Variants in PCDHA10 observed in about 807,000 individuals in gnomAD.
PCDHA10 encodes protocadherin alpha 10.
Under a neutral mutation model 61.2 loss-of-function variants are expected in PCDHA10, and 45 were observed. The ratio of observed to expected loss-of-function variants is 0.74; its 90% CI spans 0.58 to 0.94. The LOEUF (loss-of-function observed/expected upper bound fraction) is 0.94, where lower values mean the gene tolerates loss of function less well. PCDHA10 is among the 40% of genes least tolerant of loss of function. The pLI, the probability that PCDHA10 is intolerant of heterozygous loss-of-function variation, is 0.00. For synonymous variants in PCDHA10, 602 were observed against 548.8 expected (o/e 1.10, Z -1.35); for missense variants, 1,278 against 1,236.2 (o/e 1.03, Z -0.51).
At chr5:140,971,728 C>A (rs1221096186) in intron 1 of PCDHA10, among the ~76,000 whole-genome samples, 2 of 151,550 alleles carry the variant, frequency 1.3e-5, no homozygotes, top group African/African-American at 2.4e-5. Flanking sequence ...GTATATCATA[C>A]ATATACACAT....
chr5:140,929,715 T>A, intron 1 of PCDHA10: 1 of 230,486 alleles, frequency 4.3e-6, no homozygotes, highest in East Asian at 9.8e-5. Flanking sequence ...ATATGGAAGG[T>A]GAAACATTTA....
chr5:140,929,681 A>C, intron 1 of PCDHA10: 1 of 302,408 alleles, frequency 3.3e-6, no homozygotes. Flanking sequence ...AAAAATATGT[A>C]AGAGTCTGCT....
chr5:140,875,865 G>C (rs782211791), intron 1 of PCDHA10: 6 of 1,614,160 alleles, frequency 3.7e-6, no homozygotes, highest in Non-Finnish European at 5.1e-6. Context: ...ACAACCCGCC[G>C]GTGTTCAGAG....
intron 1 of PCDHA10, among the ~76,000 whole-genome samples, chr5:140,923,975 T>C (rs1475895954): frequency 2.0e-5 from 3 of 152,222 alleles, no homozygotes; most frequent in African/African-American, 7.2e-5. Flanking sequence ...CCACACATAC[T>C]ATCCCTCTAG....
In PCDHA10 at chr5:141,010,039, T is replaced by G. The variant is rs2098415843; in HGVS notation, c.*102T>G. ...TCCTTTTTCCTATCTACATGAGCCCTCTTAGAGACCTCAGAAATCTGCAGA... is the reference window on the plus strand; with the variant it reads ...TCCTTTTTCCTATCTACATGAGCCCGCTTAGAGACCTCAGAAATCTGCAGA... On this transcript the variant is annotated 3_prime_UTR_variant, in exon 4 of 4. Coordinates refer to ENST00000307360, the MANE Select transcript of PCDHA10 (RefSeq NM_018901.4). The G allele has an allele frequency of 1.4e-5, 23 of 1,593,158 alleles. No homozygotes were observed. Among genetic ancestry groups the G allele is most frequent in the Non-Finnish European group, 1.8e-5 (21 of 1,170,616 alleles).
chr5:140,856,271 G>T lies in PCDHA10; in HGVS notation c.223G>T (p.Glu75Ter), dbSNP rs782472888. The change falls in exon 1 of 4, where the codon GAG becomes TAG. Residue 75 changes from glutamate (E) to a stop codon, truncating the protein, a stop_gained. Coordinates refer to ENST00000307360, the MANE Select transcript of PCDHA10 (RefSeq NM_018901.4). LOFTEE classifies it high-confidence loss of function. ...VASKRHGDLL[E>*]VNLQNGILFV... ...GTCCAAAAGACACGGGGACCTTCTG[G>T]AGGTAAATCTGCAGAATGGCATTTT... 7 of 1,598,148 alleles carry T rather than the reference G, an allele frequency of 4.4e-6. 1 individual carries two copies. The highest frequency in any genetic ancestry group is 6.0e-6 in the Non-Finnish European group (7 of 1,167,948).
chr5:140,876,984 G>C (rs2056761931), intron 1 of PCDHA10: 9 of 1,612,672 alleles, frequency 5.6e-6, no homozygotes, highest in African/African-American at 1.3e-5. Flanking sequence ...AGCACGCACT[G>C]TCGAGCTACG....
rs200338376 is a variant in PCDHA10, at chr5:140,927,680, G to C, written c.2389-51269G>C. On this transcript the variant is annotated intron_variant, in intron 1 of 3. Transcript: ENST00000307360. ...GTTCAAGCCTTGGATCCAGATGAAGGGTCCAATGGGGAAGTCCAGTACTCC... is the reference window on the plus strand; with the variant it reads ...GTTCAAGCCTTGGATCCAGATGAAGCGTCCAATGGGGAAGTCCAGTACTCC... The C allele has an allele frequency of 2.2e-5, 36 of 1,614,022 alleles. No individual in the cohort carries two copies. The Admixed American group carries it at 4.5e-4, about 20-fold the overall frequency.
chr5:140,857,774 G>A lies in PCDHA10; in HGVS notation c.1726G>A (p.Val576Ile), dbSNP rs554890390. The stretch of plus-strand genomic sequence containing the variant: ...TCCCGCTGGCAGCGCGGGCGGTGCA[G>A]TCAGTGAGCTGGTGCTGCGGTCGGT... ...ASPAGSAGGA[V>I]SELVLRSVVA... is the part of the protein sequence containing the mutation. The change falls in exon 1 of 4, where the codon GTC becomes ATC. Residue 576 changes from valine (V) to isoleucine (I), a missense_variant. Physicochemically the swap from Val to Ile is conservative, Grantham distance 29 (BLOSUM62 3). Coordinates refer to ENST00000307360, the MANE Select transcript of PCDHA10 (RefSeq NM_018901.4). The A allele has an allele frequency of 5.0e-6, 8 of 1,597,758 alleles. No homozygotes were observed. Among genetic ancestry groups the A allele is most frequent in the Admixed American group, 1.7e-5 (1 of 59,282 alleles).
chr5:140,990,022 G>A (rs891983888), intron 3 of PCDHA10, among the ~76,000 whole-genome samples: 1 of 152,156 alleles, frequency 6.6e-6, no homozygotes, highest in African/African-American at 2.4e-5. Flanking sequence ...GCTAGGCAAA[G>A]GATGGGAGAA....
intron 1 of PCDHA10, chr5:140,861,357 G>A (rs560903391): frequency 3.0e-5 from 10 of 335,976 alleles, no homozygotes; most frequent in East Asian, 7.7e-5. Context: ...GGCACATAGC[G>A]TCTTCGCGGT....
At chr5:140,860,183 C>G (rs1286653695) in intron 1 of PCDHA10, 2 of 149,278 alleles carry the variant, frequency 1.3e-5, no homozygotes, top group Non-Finnish European at 3.0e-5. Flanking sequence ...ATATGATGGG[C>G]TCTCCTTACA....
intron 1 of PCDHA10, among the ~76,000 whole-genome samples, chr5:140,938,842 G>T (rs2092225940): frequency 1.3e-5 from 2 of 151,980 alleles, no homozygotes; most frequent in African/African-American, 4.8e-5. Context: ...TAACAAACCT[G>T]CCCATGTACC....
At chr5:140,866,070 T>C (rs1446078370) in intron 1 of PCDHA10, 1 of 152,178 alleles carries the variant, frequency 6.6e-6, no homozygotes, top group Non-Finnish European at 1.5e-5. Flanking sequence ...CACACTGAGA[T>C]AGGTATTTTG....
intron 1 of PCDHA10, among the ~76,000 whole-genome samples, chr5:140,914,220 C>A (rs1210445622): frequency 6.6e-6 from 1 of 152,212 alleles, no homozygotes; most frequent in South Asian, 2.1e-4. Flanking sequence ...TCTCTTTTAG[C>A]TCTAATACTA....
chr5:140,901,857 G>A (rs782415424), intron 1 of PCDHA10, among the ~76,000 whole-genome samples: 4 of 151,902 alleles, frequency 2.6e-5, no homozygotes, highest in African/African-American at 4.8e-5. Flanking sequence ...CCATTTTTTT[G>A]TGTCCTCTTC....
chr5:140,896,750 A>G (rs781993760), intron 1 of PCDHA10, among the ~76,000 whole-genome samples: 3 of 152,114 alleles, frequency 2.0e-5, no homozygotes, highest in Non-Finnish European at 4.4e-5. Flanking sequence ...GATTCTGGAT[A>G]TTAGACCTTT....
intron 1 of PCDHA10, among the ~76,000 whole-genome samples, chr5:140,961,280 C>G (rs246003): frequency 0.56 from 85,679 of 152,048 alleles, 24,751 homozygotes; most frequent in African/African-American, 0.69. Flanking sequence ...TACCATGGCT[C>G]TGTTTCTTGA....
At chr5:140,870,622 G>C (rs377101052) in intron 1 of PCDHA10, 4 of 1,613,124 alleles carry the variant, frequency 2.5e-6, no homozygotes, top group Non-Finnish European at 3.4e-6. Flanking sequence ...GTCGAGCTAC[G>C]TGTCGGTGCA....
Sources: allele counts gnomAD v4.1 joint callset (sites outside exome capture counted in the v4.1 genomes callset), GRCh38; gene constraint gnomAD v4.1.1; transcripts MANE v1.5; gene names NCBI Gene and HGNC (gene_info 2026-07-23, HGNC 2026-07-21).